Variants in SEZ6L observed in about 807,000 individuals in gnomAD.
SEZ6L encodes the protein seizure 6-like protein.
SEZ6L carries 37 observed loss-of-function variants against 106.2 expected under a neutral mutation model. The observed-to-expected ratio is 0.35, with a 90% CI of 0.27 to 0.46. The LOEUF is 0.46. SEZ6L is among the 20% of genes least tolerant of loss of function. SEZ6L has a pLI of 1.00. For missense variants in SEZ6L, 1,172 were observed against 1,332.8 expected, an observed-to-expected ratio of 0.88 and a Z score of 1.88; for synonymous variants, 541 against 570.4, an observed-to-expected ratio of 0.95 and a Z score of 0.73.
chr22:26,347,964 T>C, intron 11 of SEZ6L, 51 bp downstream of exon 11: 1 of 1,443,994 alleles, frequency 6.9e-7, no homozygotes, highest in South Asian at 1.5e-5. Flanking sequence ...GCAAATCCCT[T>C]CTAGGGATCT....
chr22:26,244,459 G>C (rs539382115), intron 1 of SEZ6L: 1 of 152,234 alleles, frequency 6.6e-6, no homozygotes, highest in African/African-American at 2.4e-5. Context: ...GAGAGAGAAA[G>C]GTGCTCTCTG....
chr22:26,337,786 G>T (rs1388901676), intron 9 of SEZ6L, among the ~76,000 whole-genome samples: 1 of 152,160 alleles, frequency 6.6e-6, no homozygotes, highest in Non-Finnish European at 1.5e-5. Context: ...TGTTTTGGGA[G>T]TAGCATAGGG....
intron 1 of SEZ6L, among the ~76,000 whole-genome samples, chr22:26,281,258 C>T (rs2145859000): frequency 6.6e-6 from 1 of 152,254 alleles, no homozygotes; most frequent in African/African-American, 2.4e-5. Context: ...CCTGCAGCCA[C>T]GTAATGCACT....
intron 1 of SEZ6L, among the ~76,000 whole-genome samples, chr22:26,250,866 C>G (rs2079554279): frequency 6.6e-6 from 1 of 152,082 alleles, no homozygotes; most frequent in Non-Finnish European, 1.5e-5. Context: ...TTATAGAGGT[C>G]TTTCACCTCC....
chr22:26,299,206 C>T (rs2081383020), intron 5 of SEZ6L, 37 bp downstream of exon 5: 1 of 1,340,250 alleles, frequency 7.5e-7, no homozygotes, highest in South Asian at 2.1e-5. Context: ...ACCTGATGGT[C>T]CAACTAAGAG....
intron 1 of SEZ6L, among the ~76,000 whole-genome samples, chr22:26,178,228 A>C (rs142602077): frequency 4.6e-5 from 7 of 152,318 alleles, no homozygotes; most frequent in Non-Finnish European, 8.8e-5. Context: ...CTGACTTGGC[A>C]CTTGAATCTT....
rs549480418 is a variant in SEZ6L at position 26,196,493 on chromosome 22, G to T, written c.94+26730G>T. Among the ~76,000 whole-genome samples, 100 of 152,342 alleles carry T rather than the reference G, an allele frequency of 6.6e-4. 1 individual carries two copies. The highest frequency in any genetic ancestry group is 4.6e-3 in the South Asian group (22 of 4,826). ...AATGAGGGCAAGCCTGCTCAGAAATGGGGTGGAAGACAAAGTCAGGCTCCA... is the reference window on the plus strand; with the variant it reads ...AATGAGGGCAAGCCTGCTCAGAAATTGGGTGGAAGACAAAGTCAGGCTCCA... On this transcript the variant is annotated intron_variant, in intron 1 of 16. Transcript: ENST00000248933.
intron 1 of SEZ6L, among the ~76,000 whole-genome samples, chr22:26,270,454 A>G (rs1336115625): frequency 1.4e-4 from 18 of 128,638 alleles, no homozygotes. Flanking sequence ...GGTGCTGACA[A>G]TTGTGAGGGG....
chr22:26,292,212 A>C, intron 1 of SEZ6L, 194 bp from the exon 2 acceptor site: 1 of 522,128 alleles, frequency 1.9e-6, no homozygotes, highest in Non-Finnish European at 3.4e-6. Flanking sequence ...AAGAAGGAAG[A>C]AAAGAGAAAG....
chr22:26,260,232 C>T lies in SEZ6L; in HGVS notation c.95-32174C>T, dbSNP rs117042278. Among the ~76,000 whole-genome samples, 750 of 151,938 alleles carry T rather than the reference C, an allele frequency of 4.9e-3. 4 individuals are homozygous for T. The highest frequency in any genetic ancestry group is 8.0e-3 in the Non-Finnish European group (545 of 67,958). On this transcript the variant is annotated intron_variant, in intron 1 of 16. Transcript: ENST00000248933. ...GGCGATTTGTGAGATTTTGGTGCAC[C>T]CATCACCTGAGCAGTATTCACTGAA... is the stretch of plus-strand genomic sequence containing the variant.
At chr22:26,333,256 C>T (rs538750003) in intron 9 of SEZ6L, among the ~76,000 whole-genome samples, 1 of 152,344 alleles carries the variant, frequency 6.6e-6, no homozygotes, top group African/African-American at 2.4e-5. Context: ...AGCGGGTTGG[C>T]TTTGGAGTGG....
intron 9 of SEZ6L, among the ~76,000 whole-genome samples, chr22:26,325,927 C>A (rs1047953321): frequency 8.7e-5 from 13 of 149,400 alleles, no homozygotes; most frequent in East Asian, 2.0e-4. Flanking sequence ...ATCACACACA[C>A]CACACACACA....
chr22:26,366,606 G>A (rs1464271332), intron 13 of SEZ6L, among the ~76,000 whole-genome samples: 2 of 151,930 alleles, frequency 1.3e-5, no homozygotes, highest in African/African-American at 4.8e-5. Flanking sequence ...TACTTGGGAG[G>A]CTAAGGTGGG....
At chr22:26,321,345 G>T (rs1024892951) in intron 9 of SEZ6L, among the ~76,000 whole-genome samples, 1 of 152,210 alleles carries the variant, frequency 6.6e-6, no homozygotes, top group African/African-American at 2.4e-5. Context: ...TCAAGGGTGC[G>T]TCCATGAAGT....
At chr22:26,266,000 C>T (rs1157578483) in intron 1 of SEZ6L, among the ~76,000 whole-genome samples, 1 of 152,148 alleles carries the variant, frequency 6.6e-6, no homozygotes, top group Admixed American at 6.5e-5. Context: ...CAAGGCTCTC[C>T]ACCTGATCAC....
chr22:26,377,597 CAACT>C, intron 15 of SEZ6L, 72 bp from the exon 16 acceptor site: 1 of 1,221,862 alleles, frequency 8.2e-7, no homozygotes, highest in South Asian at 1.2e-5. Context: ...GAAGTGGCAC[CAACT>C]GTTCCCGTTC....
In SEZ6L at chr22:26,293,005, G is replaced by A. The variant is rs992371326; in HGVS notation, c.694G>A (p.Ala232Thr). The A allele has an allele frequency of 2.5e-6, 4 of 1,614,148 alleles. No homozygotes were observed. Among genetic ancestry groups the A allele is most frequent in the Admixed American group, 1.7e-5 (1 of 60,020 alleles). ...GCCTGGGCCTGACATGGCCCAGGAG[G>A]CCCCCCAGGAGGACACCAGCCCCAT... The part of the protein sequence containing the change: ...GEPGPDMAQE[A>T]PQEDTSPMAL... Residue 232 changes from alanine to threonine, a missense_variant, in exon 2 of 17, where the codon GCC becomes ACC. Transcript: ENST00000248933.
intron 1 of SEZ6L, among the ~76,000 whole-genome samples, chr22:26,242,481 G>T (rs549045723): frequency 6.6e-6 from 1 of 152,160 alleles, no homozygotes; most frequent in South Asian, 2.1e-4. Flanking sequence ...TGTTGGTGAG[G>T]GTCTTGTGTG....
chr22:26,299,102 C>T lies in SEZ6L; in HGVS notation c.1281C>T (p.Gly427=), dbSNP rs781024350. The stretch of plus-strand genomic sequence containing the variant: ...GCCACCTGGGCTATGAGCTCCAGGG[C>T]GCTAAGATGCTGACATGCATCAATG... ...FHCHLGYELQ[G]AKMLTCINAS... The change falls in exon 5 of 17, where the codon GGC becomes GGT. Residue 427 remains glycine, a synonymous_variant. Transcript: ENST00000248933. The T allele has an allele frequency of 5.0e-6, 8 of 1,605,578 alleles. No individual in the cohort carries two copies. Among genetic ancestry groups the T allele is most frequent in the East Asian group, 4.5e-5 (2 of 44,006 alleles).
Sources: allele counts gnomAD v4.1 joint callset (sites outside exome capture counted in the v4.1 genomes callset), GRCh38; gene constraint gnomAD v4.1.1; transcripts MANE v1.5; gene names NCBI Gene and HGNC (gene_info 2026-07-23, HGNC 2026-07-21).